ARRDC5: variants seen among roughly 807,000 people sequenced by gnomAD.
ARRDC5 encodes arrestin domain containing 5.
In ARRDC5, 12 loss-of-function variants were observed where a neutral mutation model predicts 13.3. The observed-to-expected ratio is 0.90, with a 90% CI of 0.58 to 1.46. The LOEUF is 1.46. Ranked by LOEUF, ARRDC5 falls within the 40% of genes most tolerant of loss-of-function variation. The probability of loss-of-function intolerance (pLI) is 0.00; values close to 1 mark genes in which losing one functional copy is unlikely to be tolerated. For missense variants in ARRDC5, 406 were observed against 418.7 expected (o/e 0.97, Z 0.26); for synonymous variants, 181 against 173.4 (o/e 1.04, Z -0.34).
chr19:4,908,181 T>C, the ARRDC5 span, among the ~76,000 whole-genome samples: 1 of 152,146 alleles, frequency 6.6e-6, no homozygotes, highest in East Asian at 1.9e-4. Flanking sequence ...CCTGCAAAGT[T>C]GCAAAGTCCT....
At chr19:4,907,027 C>T (rs2032078394), upstream of ARRDC5, among the ~76,000 whole-genome samples, 1 of 152,208 alleles carries the variant, frequency 6.6e-6, no homozygotes, top group African/African-American at 2.4e-5. Flanking sequence ...CAGTGAACAG[C>T]ACCATCTGGA....
intron 1 of ARRDC5, among the ~76,000 whole-genome samples, chr19:4,899,764 CAAAAAAA>C (rs1217500792): frequency 5.1e-3 from 348 of 67,976 alleles, no homozygotes; most frequent in Admixed American, 0.013. Flanking sequence ...CCCGTCTCTA[CAAAAAAA>C]AAAAAAAAAA....
chr19:4,911,196 T>C, the ARRDC5 span, among the ~76,000 whole-genome samples: 7 of 144,054 alleles, frequency 4.9e-5, no homozygotes, highest in African/African-American at 1.8e-4. Flanking sequence ...AAACCTCAAA[T>C]GCCTGCGAGA....
rs548491944 is a variant in ARRDC5 at position 4,893,377 on chromosome 19, G to A, written c.460-1804C>T. Among the ~76,000 whole-genome samples, 5 of 148,078 alleles carry A rather than the reference G, an allele frequency of 3.4e-5. No homozygotes were observed. The South Asian group carries it at 8.5e-4, about 25-fold the overall frequency. ...AAAAGTTGGCCGGGTGTGATGGCAC[G>A]CAACTGTAATCCCAGCTACTCAGGA... On this transcript the variant is annotated intron_variant, in intron 2 of 2. Coordinates refer to ENST00000650722, the MANE Select transcript of ARRDC5 (RefSeq NM_001080523.3).
the ARRDC5 span, chr19:4,910,237 G>A: frequency 6.6e-6 from 1 of 150,906 alleles, no homozygotes; most frequent in South Asian, 2.1e-4. Flanking sequence ...GCCGGGGGTT[G>A]GAGGTCGAGG....
chr19:4,910,617 C>T, the ARRDC5 span: 1 of 374,320 alleles, frequency 2.7e-6, no homozygotes, highest in African/African-American at 2.1e-5. Context: ...GTTGGACCTT[C>T]TGCTTTTCTT....
intron 2 of ARRDC5, among the ~76,000 whole-genome samples, chr19:4,895,114 T>A (rs2031664787): frequency 8.3e-6 from 1 of 120,180 alleles, no homozygotes; most frequent in Non-Finnish European, 2.0e-5. Flanking sequence ...AATGAGCTAT[T>A]ACATTTTTTT....
intron 1 of ARRDC5, among the ~76,000 whole-genome samples, chr19:4,900,229 G>T (rs2031873796): frequency 1.4e-5 from 2 of 138,704 alleles, no homozygotes; most frequent in African/African-American, 5.4e-5. Flanking sequence ...CTCACCGCAA[G>T]CTCCGCCTCC....
At chr19:4,905,185 C>T (rs1457855542), upstream of ARRDC5, among the ~76,000 whole-genome samples, 5 of 136,976 alleles carry the variant, frequency 3.7e-5, no homozygotes, top group African/African-American at 1.1e-4. Context: ...GGTGTGATCT[C>T]GGCTCACTGC....
In ARRDC5 at chr19:4,902,629, A is replaced by C. The variant is rs745678714; in HGVS notation, c.197T>G (p.Val66Gly). 8 of 1,613,818 alleles carry C rather than the reference A, an allele frequency of 5.0e-6. No individual in the cohort carries two copies. The East Asian group carries it at 1.8e-4, about 36-fold the overall frequency. ...GTAGTCTGCCTTGTTGTTGCAAATA[A>C]CATTTCTGCTATAATCACAGGATGC... Reference protein sequence around the residue: ...AGASCDYSRNVICNNKADYVH... With the variant: ...AGASCDYSRNGICNNKADYVH... The change falls in exon 1 of 3, where the codon GTT becomes GGT. Residue 66 changes from valine (V) to glycine (G), a missense_variant. Coordinates refer to ENST00000650722, the MANE Select transcript of ARRDC5 (RefSeq NM_001080523.3).
chr19:4,909,314 C>A, the ARRDC5 span: 9 of 549,398 alleles, frequency 1.6e-5, 1 homozygote, highest in South Asian at 1.1e-4. Flanking sequence ...CCCAGCAGAG[C>A]GCGCAGGGCT....
upstream of ARRDC5, among the ~76,000 whole-genome samples, chr19:4,906,140 C>T (rs991506720): frequency 6.6e-6 from 1 of 151,998 alleles, no homozygotes; most frequent in Non-Finnish European, 1.5e-5. Context: ...CCATGCCTGG[C>T]TAATTTATTT....
the ARRDC5 span, among the ~76,000 whole-genome samples, chr19:4,913,859 T>G: frequency 1.6e-5 from 2 of 122,422 alleles, no homozygotes; most frequent in Non-Finnish European, 3.2e-5. Flanking sequence ...TTGCCCAAGG[T>G]GGAGTGCAAT....
chr19:4,896,348 A>ATATATATTT (rs1407717173), intron 2 of ARRDC5, among the ~76,000 whole-genome samples: 1 of 59,590 alleles, frequency 1.7e-5, no homozygotes, highest in Admixed American at 2.0e-4. Context: ...ATATATATAT[A>ATATATATTT]TTTTTTTTTT....
At chr19:4,908,706 A>T in the ARRDC5 span, among the ~76,000 whole-genome samples, 1 of 152,266 alleles carries the variant, frequency 6.6e-6, no homozygotes, top group South Asian at 2.1e-4. Context: ...CTCTCCTATA[A>T]GGAATCATCT....
upstream of ARRDC5, among the ~76,000 whole-genome samples, chr19:4,906,211 G>A (rs569092332): frequency 2.6e-5 from 4 of 152,032 alleles, no homozygotes; most frequent in South Asian, 2.1e-4. Context: ...ACTCCCGGGC[G>A]CAAGAGATCA....
intron 2 of ARRDC5, among the ~76,000 whole-genome samples, chr19:4,893,726 C>CAAAAAAA: frequency 1.8e-5 from 1 of 56,928 alleles, no homozygotes; most frequent in Non-Finnish European, 3.0e-5. Context: ...ACCCTGTCTC[C>CAAAAAAA]AAAAAAAAAA....
upstream of ARRDC5, chr19:4,903,164 C>A (rs2031982879): frequency 3.5e-6 from 1 of 282,260 alleles, no homozygotes; most frequent in Non-Finnish European, 6.8e-6. Context: ...GTAGCTGGGA[C>A]CACGGGTGCA....
upstream of ARRDC5, among the ~76,000 whole-genome samples, chr19:4,907,588 C>T (rs1045568769): frequency 1.3e-5 from 2 of 149,072 alleles, no homozygotes; most frequent in African/African-American, 4.9e-5. Context: ...TATCATCTTA[C>T]AGTTTGGGAG....
Sources: gnomAD v4.1 joint callset for allele counts (sites outside exome capture counted in the v4.1 genomes callset) on GRCh38, gnomAD v4.1.1 for gene constraint, MANE v1.5 for transcripts, NCBI Gene and HGNC (gene_info 2026-07-23, HGNC 2026-07-21) for gene names.